Variants in DPH6 observed in about 807,000 individuals in gnomAD.
DPH6 encodes diphthamine biosynthesis 6.
Under a neutral mutation model 38.2 loss-of-function variants are expected in DPH6, and 33 were observed. The observed-to-expected ratio is 0.86, with a 90% CI of 0.65 to 1.15. The LOEUF is 1.15. Among genes scored for constraint, DPH6 ranks in the 50% most tolerant of loss-of-function variants. The pLI, the probability that DPH6 is intolerant of heterozygous loss-of-function variation, is 0.00. For synonymous variants in DPH6, 108 were observed against 103.0 expected, an observed-to-expected ratio of 1.05 and a Z score of -0.30; for missense variants, 325 against 320.0, an observed-to-expected ratio of 1.02 and a Z score of -0.12.
intron 3 of DPH6, among the ~76,000 whole-genome samples, chr15:35,303,579 G>A (rs904338505): frequency 6.6e-6 from 1 of 151,252 alleles, no homozygotes; most frequent in African/African-American, 2.4e-5. Flanking sequence ...GCATTTTTCA[G>A]TATAAGTATA....
chr15:35,352,850 C>T (rs1184027470), intron 3 of DPH6, among the ~76,000 whole-genome samples: 6 of 152,180 alleles, frequency 3.9e-5, no homozygotes, highest in East Asian at 1.9e-4. Context: ...CCTGAGGAAT[C>T]GCCACACCGA....
At chr15:35,336,088 T>G (rs893369787) in intron 3 of DPH6, among the ~76,000 whole-genome samples, 2 of 152,196 alleles carry the variant, frequency 1.3e-5, no homozygotes, top group Non-Finnish European at 2.9e-5. Flanking sequence ...GAAGAGATTC[T>G]TCACTTCCCT....
At chr15:35,383,975 A>G (rs776128060) in intron 6 of DPH6, among the ~76,000 whole-genome samples, 3 of 152,226 alleles carry the variant, frequency 2.0e-5, no homozygotes, top group Non-Finnish European at 4.4e-5. Flanking sequence ...AGGTCAGTTT[A>G]GGTATGTGAA....
intron 3 of DPH6, among the ~76,000 whole-genome samples, chr15:35,534,350 C>G (rs1325294000): frequency 6.8e-6 from 1 of 146,730 alleles, no homozygotes; most frequent in Non-Finnish European, 1.5e-5. Context: ...GCTCTCCAGC[C>G]TGGGCAACAA....
chr15:35,532,017 G>C (rs1302339279), intron 3 of DPH6, among the ~76,000 whole-genome samples: 1 of 152,112 alleles, frequency 6.6e-6, no homozygotes, highest in African/African-American at 2.4e-5. Context: ...AGGTAAATTA[G>C]GGCAGGTTTC....
At chr15:35,351,234 T>C (rs934533498) in intron 3 of DPH6, among the ~76,000 whole-genome samples, 4 of 152,186 alleles carry the variant, frequency 2.6e-5, no homozygotes, top group African/African-American at 7.2e-5. Flanking sequence ...TGTCATTTGG[T>C]TACCATTAGT....
chr15:35,468,806 G>A (rs1265848860), intron 3 of DPH6, among the ~76,000 whole-genome samples: 1 of 152,096 alleles, frequency 6.6e-6, no homozygotes, highest in Admixed American at 6.5e-5. Context: ...GGTGGCTCAT[G>A]CCAGTAATCC....
At chr15:35,171,818 T>C in the DPH6 span, among the ~76,000 whole-genome samples, 1 of 151,910 alleles carries the variant, frequency 6.6e-6, no homozygotes, top group African/African-American at 2.4e-5. Flanking sequence ...GTATACACAT[T>C]ACACACATAG....
intron 6 of DPH6, among the ~76,000 whole-genome samples, chr15:35,390,459 C>A (rs140872606): frequency 2.5e-4 from 38 of 152,284 alleles, no homozygotes; most frequent in African/African-American, 8.2e-4. Flanking sequence ...TTCCATTCTC[C>A]CCATCACTTT....
At chr15:35,265,686 C>G (rs1454531229) in intron 3 of DPH6, among the ~76,000 whole-genome samples, 6 of 152,154 alleles carry the variant, frequency 3.9e-5, no homozygotes, top group Non-Finnish European at 8.8e-5. Context: ...AAAACACAGT[C>G]ACTAATCCCC....
chr15:35,381,248 C>T (rs1241566797), intron 7 of DPH6, among the ~76,000 whole-genome samples: 1 of 152,084 alleles, frequency 6.6e-6, no homozygotes, highest in East Asian at 1.9e-4. Flanking sequence ...GATAAGGTAA[C>T]AAACTGAAGA....
intron 3 of DPH6, among the ~76,000 whole-genome samples, chr15:35,484,850 T>C (rs1429733874): frequency 1.3e-5 from 2 of 152,202 alleles, no homozygotes; most frequent in Non-Finnish European, 2.9e-5. Flanking sequence ...CTTTTGTGTA[T>C]ATTTGAAACC....
At chr15:35,278,184 G>A (rs1015527492) in intron 3 of DPH6, among the ~76,000 whole-genome samples, 1 of 152,166 alleles carries the variant, frequency 6.6e-6, no homozygotes, top group Non-Finnish European at 1.5e-5. Context: ...TGATTTCAGG[G>A]ACCACGCCAA....
intron 6 of DPH6, among the ~76,000 whole-genome samples, chr15:35,384,521 G>T (rs1392345147): frequency 6.6e-6 from 1 of 152,060 alleles, no homozygotes; most frequent in Non-Finnish European, 1.5e-5. Context: ...GATATTGCCA[G>T]GTGTCATTTG....
chr15:35,241,619 C>G, intron 3 of DPH6, among the ~76,000 whole-genome samples: 1 of 142,424 alleles, frequency 7.0e-6, no homozygotes, highest in Non-Finnish European at 1.5e-5. Context: ...CTTCCCAATC[C>G]AAAGCCTCCT....
chr15:35,528,527 T>C (rs1485770232), intron 3 of DPH6, among the ~76,000 whole-genome samples: 1 of 152,168 alleles, frequency 6.6e-6, no homozygotes, highest in Non-Finnish European at 1.5e-5. Flanking sequence ...ATGTCCCCTT[T>C]TCACCTTTCC....
At chr15:35,496,274 G>A (rs2054547592) in intron 3 of DPH6, among the ~76,000 whole-genome samples, 1 of 151,872 alleles carries the variant, frequency 6.6e-6, no homozygotes, top group Non-Finnish European at 1.5e-5. Context: ...TAAAAATCTG[G>A]CCAGGCACAG....
intron 3 of DPH6, among the ~76,000 whole-genome samples, chr15:35,358,956 T>A (rs1008144060): frequency 6.6e-6 from 1 of 152,122 alleles, no homozygotes; most frequent in African/African-American, 2.4e-5. Flanking sequence ...CAAGATTATA[T>A]ACCCTTTGTC....
At chr15:35,523,367 T>TC (rs1322367705) in intron 3 of DPH6, among the ~76,000 whole-genome samples, 2 of 151,590 alleles carry the variant, frequency 1.3e-5, no homozygotes, top group African/African-American at 2.4e-5. Context: ...AGTGAGGAAT[T>TC]CCCCATTGAA....
Sources: allele counts gnomAD v4.1 joint callset (sites outside exome capture counted in the v4.1 genomes callset), GRCh38; gene constraint gnomAD v4.1.1; transcripts MANE v1.5; gene names NCBI Gene and HGNC (gene_info 2026-07-23, HGNC 2026-07-21).